MASP1: variants seen among roughly 807,000 people sequenced by gnomAD.
The protein encoded by MASP1 is mannan-binding lectin serine protease 1.
A neutral mutation model predicts 77.1 loss-of-function variants in MASP1; 59 were observed. The ratio of observed to expected loss-of-function variants is 0.77; its 90% CI spans 0.62 to 0.95. The LOEUF (loss-of-function observed/expected upper bound fraction) is 0.95, where lower values mean the gene tolerates loss of function less well. Among genes scored for constraint, MASP1 ranks in the 40% least tolerant of loss-of-function variants. The pLI is 0.00. For synonymous variants in MASP1, 362 were observed against 354.5 expected (o/e 1.02, Z -0.24); for missense variants, 885 against 912.9 (o/e 0.97, Z 0.39).
chr3:187,225,562 A>C (rs1579461639), intron 12 of MASP1: 1 of 1,590,524 alleles, frequency 6.3e-7, no homozygotes, highest in South Asian at 1.1e-5. Flanking sequence ...ATAAGGTCAC[A>C]CCTTGTTCCC....
intron 8 of MASP1, 66 bp downstream of exon 8, chr3:187,250,185 T>C: frequency 7.6e-7 from 1 of 1,314,972 alleles, no homozygotes; most frequent in Non-Finnish European, 1.1e-6. Context: ...CCTTGCATGC[T>C]CTGCTCGGAT....
intron 14 of MASP1, among the ~76,000 whole-genome samples, chr3:187,221,797 G>A (rs1425753233): frequency 6.6e-6 from 1 of 152,122 alleles, no homozygotes; most frequent in Admixed American, 6.5e-5. Flanking sequence ...ATTGCTTGGA[G>A]CTTAGTAGAT....
intron 2 of MASP1, among the ~76,000 whole-genome samples, chr3:187,266,180 A>C (rs753712258): frequency 6.6e-6 from 1 of 152,148 alleles, no homozygotes; most frequent in Non-Finnish European, 1.5e-5. Context: ...ATGTCCTTAG[A>C]GACTATTGTT....
intron 2 of MASP1, among the ~76,000 whole-genome samples, chr3:187,277,604 G>T (rs945765906): frequency 1.2e-4 from 19 of 152,188 alleles, no homozygotes; most frequent in African/African-American, 4.6e-4. Flanking sequence ...CCCTTCCACA[G>T]TAAAGCCTGT....
chr3:187,272,886 A>C (rs940950164), intron 2 of MASP1, among the ~76,000 whole-genome samples: 2 of 152,352 alleles, frequency 1.3e-5, no homozygotes, highest in Admixed American at 6.5e-5. Flanking sequence ...TAGGAAACTA[A>C]TATTCTCTGT....
chr3:187,227,628 G>A (rs1232343851), intron 11 of MASP1, among the ~76,000 whole-genome samples: 1 of 152,180 alleles, frequency 6.6e-6, no homozygotes, highest in Non-Finnish European at 1.5e-5. Flanking sequence ...CTGAGAAGCA[G>A]CTATGTGCTC....
In MASP1 at chr3:187,285,976, C is replaced by A. The variant is rs975937557; in HGVS notation, c.86G>T (p.Gly29Val). The change falls in exon 2 of 11, where the codon GGC (glycine) becomes GTC (valine). Residue 29 changes from glycine (G) to valine (V), a missense_variant. By Grantham distance (109) the Gly-to-Val change is moderately radical. Transcript: ENST00000296280. The stretch of plus-strand genomic sequence containing the variant: ...TGGATAACCAGGCGACTGGATCTGG[C>A]CAAACATATTGTTTAGCTCCACGGT... ...AHTVELNNMF[G>V]QIQSPGYPDS... 6.2e-7 allele frequency: 1 copy of A among 1,614,074 alleles called. No individual in the cohort carries two copies. Among genetic ancestry groups the A allele is most frequent in the Non-Finnish European group, 8.5e-7 (1 of 1,180,042 alleles).
intron 4 of MASP1, among the ~76,000 whole-genome samples, chr3:187,259,506 G>A (rs1215384002): frequency 6.6e-6 from 1 of 152,052 alleles, no homozygotes; most frequent in East Asian, 1.9e-4. Flanking sequence ...CATGGTGGGG[G>A]CCTTAGGAAA....
At chr3:187,224,195 T>A (rs577547761) in intron 13 of MASP1, among the ~76,000 whole-genome samples, 2 of 152,298 alleles carry the variant, frequency 1.3e-5, no homozygotes, top group East Asian at 3.9e-4. Flanking sequence ...AAGTATTATC[T>A]CAAACACGGA....
At chr3:187,289,574 T>G (rs1233601491) in intron 1 of MASP1, among the ~76,000 whole-genome samples, 1 of 152,180 alleles carries the variant, frequency 6.6e-6, no homozygotes, top group Non-Finnish European at 1.5e-5. Flanking sequence ...GTAAAAAATT[T>G]AAAAATATTA....
chr3:187,287,470 C>A (rs1270039286), intron 1 of MASP1, among the ~76,000 whole-genome samples: 2 of 152,200 alleles, frequency 1.3e-5, no homozygotes, highest in Non-Finnish European at 2.9e-5. Context: ...TATCACATTG[C>A]ACTACGTTAG....
At chr3:187,223,072 A>G in intron 14 of MASP1, 1 of 1,451,428 alleles carries the variant, frequency 6.9e-7, no homozygotes, top group Non-Finnish European at 9.7e-7. Context: ...CGGAGCAGGA[A>G]GGCCCAGTGC....
chr3:187,253,460 G>A, intron 5 of MASP1, 145 bp from the exon 6 acceptor site: 2 of 798,228 alleles, frequency 2.5e-6, no homozygotes, highest in South Asian at 2.8e-5. Flanking sequence ...GGTTTTTAGT[G>A]AGCCTTACCA....
chr3:187,228,620 T>A (rs1346902769), intron 11 of MASP1, among the ~76,000 whole-genome samples: 1 of 152,140 alleles, frequency 6.6e-6, no homozygotes, highest in Non-Finnish European at 1.5e-5. Flanking sequence ...GTGTTCTCTG[T>A]CTCTCTCTGT....
At chr3:187,276,322 C>T (rs1560031917) in intron 2 of MASP1, among the ~76,000 whole-genome samples, 1 of 152,158 alleles carries the variant, frequency 6.6e-6, no homozygotes, top group Non-Finnish European at 1.5e-5. Context: ...CTGTTTATCC[C>T]AGTGCAATGT....
intron 2 of MASP1, among the ~76,000 whole-genome samples, chr3:187,274,276 A>G (rs1274653672): frequency 6.6e-6 from 1 of 152,110 alleles, no homozygotes; most frequent in Admixed American, 6.5e-5. Context: ...TTTCCAGTTG[A>G]CAGGGCACGT....
At chr3:187,260,675 C>A in intron 4 of MASP1, 66 bp downstream of exon 4, 1 of 1,605,922 alleles carries the variant, frequency 6.2e-7, no homozygotes, top group Non-Finnish European at 8.5e-7. Context: ...TTTCTCTGAG[C>A]CTCATCTAAT....
chr3:187,229,842 G>A (rs987353580), downstream of MASP1: 9 of 1,614,126 alleles, frequency 5.6e-6, no homozygotes, highest in African/African-American at 1.3e-5. Flanking sequence ...TCTGGGCTGG[G>A]CGTCCATTGA....
At chr3:187,221,181 T>C in intron 14 of MASP1, 12 of 1,399,958 alleles carry the variant, frequency 8.6e-6, no homozygotes, top group Non-Finnish European at 1.2e-5. Flanking sequence ...CTGAGAAGCC[T>C]CTGCTATTCT....
Sources: allele counts gnomAD v4.1 joint callset (sites outside exome capture counted in the v4.1 genomes callset), GRCh38; gene constraint gnomAD v4.1.1; transcripts MANE v1.5; gene names NCBI Gene and HGNC (gene_info 2026-07-23, HGNC 2026-07-21).